The following CNTNAP5 variants were observed in gnomAD, a reference collection of about 807,000 sequenced individuals.
CNTNAP5 encodes contactin-associated protein-like 5.
Under a neutral mutation model 150.2 loss-of-function variants are expected in CNTNAP5, and 72 were observed. The ratio of observed to expected loss-of-function variants is 0.48; its 90% CI spans 0.40 to 0.58. CNTNAP5 has a LOEUF of 0.58. Among genes scored for constraint, CNTNAP5 ranks in the 20% least tolerant of loss-of-function variants. The probability of loss-of-function intolerance (pLI) is 0.00; values close to 1 mark genes in which losing one functional copy is unlikely to be tolerated. For missense variants in CNTNAP5, 1,636 were observed against 1,626.2 expected, an observed-to-expected ratio of 1.01 and a Z score of -0.10; for synonymous variants, 672 against 619.8, an observed-to-expected ratio of 1.08 and a Z score of -1.25.
chr2:124,447,839 A>T (rs1037940656), intron 6 of CNTNAP5, among the ~76,000 whole-genome samples: 1 of 152,160 alleles, frequency 6.6e-6, no homozygotes, highest in Admixed American at 6.5e-5. Context: ...AAAAAATGTC[A>T]AACAGTCCAG....
chr2:124,445,692 T>A (rs1692796030), intron 5 of CNTNAP5, among the ~76,000 whole-genome samples: 1 of 152,186 alleles, frequency 6.6e-6, no homozygotes, highest in South Asian at 2.1e-4. Context: ...CTGCTGAATG[T>A]CACACGGTTG....
At chr2:124,321,641 A>G (rs936983151) in intron 3 of CNTNAP5, among the ~76,000 whole-genome samples, 1 of 152,176 alleles carries the variant, frequency 6.6e-6, no homozygotes, top group Non-Finnish European at 1.5e-5. Flanking sequence ...GTTTTAATAG[A>G]CATCTTGCAG....
chr2:124,400,682 T>TTTG (rs1558884129), intron 3 of CNTNAP5, among the ~76,000 whole-genome samples: 6 of 114,760 alleles, frequency 5.2e-5, no homozygotes, highest in Non-Finnish European at 1.2e-4. Flanking sequence ...TTTTTTTTTT[T>TTTG]TTTTTTGTTT....
intron 19 of CNTNAP5, among the ~76,000 whole-genome samples, chr2:124,816,768 G>A (rs945127029): frequency 2.6e-5 from 4 of 152,110 alleles, no homozygotes; most frequent in Non-Finnish European, 5.9e-5. Context: ...ATGAGCCACC[G>A]TGCATGGCTG....
At chr2:124,764,852 T>C (rs1378258377) in intron 16 of CNTNAP5, among the ~76,000 whole-genome samples, 1 of 152,178 alleles carries the variant, frequency 6.6e-6, no homozygotes. Context: ...CATCAAGTGG[T>C]ATTTTTAATA....
At chr2:124,694,057 G>T (rs1278692277) in intron 13 of CNTNAP5, among the ~76,000 whole-genome samples, 1 of 152,044 alleles carries the variant, frequency 6.6e-6, no homozygotes, top group Non-Finnish European at 1.5e-5. Context: ...ATTCTGTTTT[G>T]TCTGAGTGCT....
intron 3 of CNTNAP5, among the ~76,000 whole-genome samples, chr2:124,324,690 G>A (rs917715350): frequency 3.3e-5 from 5 of 152,176 alleles, no homozygotes; most frequent in Non-Finnish European, 7.3e-5. Flanking sequence ...AGTGCAAGGA[G>A]GAGGAGACAG....
intron 4 of CNTNAP5, among the ~76,000 whole-genome samples, chr2:124,424,187 G>T (rs1006636645): frequency 2.4e-4 from 37 of 152,102 alleles, no homozygotes; most frequent in Non-Finnish European, 1.0e-4. Flanking sequence ...AAATACTCTT[G>T]TAATTCCAGC....
At chr2:124,701,349 C>A (rs1434156540) in intron 13 of CNTNAP5, among the ~76,000 whole-genome samples, 1 of 152,098 alleles carries the variant, frequency 6.6e-6, no homozygotes, top group East Asian at 1.9e-4. Context: ...TGACAAATGG[C>A]AAGATCTCAC....
intron 1 of CNTNAP5, among the ~76,000 whole-genome samples, chr2:124,103,833 A>C (rs1364047237): frequency 1.4e-5 from 2 of 147,836 alleles, no homozygotes; most frequent in African/African-American, 4.9e-5. Context: ...TATGTTATTA[A>C]AATATAGTTA....
chr2:124,604,116 C>A (rs935303578), intron 11 of CNTNAP5, among the ~76,000 whole-genome samples: 1 of 152,126 alleles, frequency 6.6e-6, no homozygotes, highest in African/African-American at 2.4e-5. Flanking sequence ...GCTTCTTGCA[C>A]TTTCAGTGGT....
chr2:124,698,228 G>A (rs1679445958), intron 13 of CNTNAP5, among the ~76,000 whole-genome samples: 1 of 152,076 alleles, frequency 6.6e-6, no homozygotes, highest in South Asian at 2.1e-4. Flanking sequence ...TCTTATGGGT[G>A]AGAGAGATAA....
chr2:124,349,931 C>G (rs113536401), intron 3 of CNTNAP5, among the ~76,000 whole-genome samples: 1,415 of 126,942 alleles, frequency 0.011, 14 homozygotes, highest in Admixed American at 0.026. Flanking sequence ...GTCGCCCAGG[C>G]TGGAGTGCAA....
intron 3 of CNTNAP5, among the ~76,000 whole-genome samples, chr2:124,389,414 G>A (rs571974354): frequency 6.6e-6 from 1 of 152,234 alleles, no homozygotes; most frequent in South Asian, 2.1e-4. Context: ...TGTAGTTCCT[G>A]CTATAGCTAG....
chr2:124,909,658 C>T (rs568007272), intron 22 of CNTNAP5, among the ~76,000 whole-genome samples: 72 of 150,904 alleles, frequency 4.8e-4, no homozygotes, highest in African/African-American at 1.7e-3. Flanking sequence ...TTTCTTCTTT[C>T]TTTCCTCCTT....
chr2:124,821,035 C>G (rs1467903539), intron 19 of CNTNAP5, among the ~76,000 whole-genome samples: 1 of 152,210 alleles, frequency 6.6e-6, no homozygotes, highest in Admixed American at 6.5e-5. Flanking sequence ...GAGGGTTATT[C>G]CCAACATCGC....
rs1477332072 is a variant in CNTNAP5, at chr2:124,216,736, T to C, written c.83-4969T>C. 2.0e-5 allele frequency among the ~76,000 whole-genome samples: 3 copies of C among 152,328 alleles called. No individual in the cohort carries two copies. In the East Asian group the frequency reaches 5.8e-4, roughly 29 times the overall value. Reference sequence around the variant, plus strand: ...ACATGAACTCATCATTTTTTATGGCTGCATAGTATTCCATGGTGTATATGT... The same window carrying C: ...ACATGAACTCATCATTTTTTATGGCCGCATAGTATTCCATGGTGTATATGT... On this transcript the variant is annotated intron_variant, in intron 1 of 23. Coordinates refer to ENST00000682447, the MANE Select transcript of CNTNAP5 (RefSeq NM_001367498.1).
At chr2:124,088,938 G>T (rs1682758801) in intron 1 of CNTNAP5, among the ~76,000 whole-genome samples, 1 of 152,166 alleles carries the variant, frequency 6.6e-6, no homozygotes, top group Admixed American at 6.5e-5. Flanking sequence ...AGTCACAGTA[G>T]TTATTTTTAA....
chr2:124,359,101 T>A (rs1367460291), intron 3 of CNTNAP5, among the ~76,000 whole-genome samples: 2 of 152,064 alleles, frequency 1.3e-5, no homozygotes, highest in Non-Finnish European at 2.9e-5. Context: ...TAGAGGTGTT[T>A]GTAGTATTCT....
Sources: allele counts gnomAD v4.1 joint callset (sites outside exome capture counted in the v4.1 genomes callset), GRCh38; gene constraint gnomAD v4.1.1; transcripts MANE v1.5; gene names NCBI Gene and HGNC (gene_info 2026-07-23, HGNC 2026-07-21).